The following PPP1R10 variants were observed in gnomAD, a reference collection of about 807,000 sequenced individuals.
PPP1R10 encodes protein phosphatase 1 regulatory subunit 10.
Under a neutral mutation model 99.0 loss-of-function variants are expected in PPP1R10, and 15 were observed. The observed-to-expected ratio is 0.15, with a 90% CI of 0.10 to 0.23. PPP1R10 has a LOEUF of 0.23. PPP1R10 is among the 10% of genes least tolerant of loss of function. The probability of loss-of-function intolerance (pLI) is 1.00; values close to 1 mark genes in which losing one functional copy is unlikely to be tolerated. For synonymous variants in PPP1R10, 430 were observed against 449.5 expected (o/e 0.96, Z 0.55); for missense variants, 947 against 1,259.4 (o/e 0.75, Z 3.75).
At position 30,602,256 on chromosome 6, in the gene PPP1R10, C is replaced by T. The variant is rs751076867; in HGVS notation, c.2393G>A (p.Arg798His). Residue 798 changes from arginine (R) to histidine (H), a missense_variant, in exon 19 of 20, where the codon CGT (arginine) becomes CAT (histidine). By Grantham distance (29) the Arg-to-His change is conservative. Transcript: ENST00000376511. This position sits in a 1 kb window ranked among gnomAD's most constrained non-coding sequence, Gnocchi z 6.7. ...GGSMGGGGGH[R>H]PHEGPGGGIS... ...GCCACCGCCAGGGCCTTCGTGGGGA[C>T]GATGTCCTCCACCCCCACCCATGCT... 4.3e-6 allele frequency: 7 copies of T among 1,612,108 alleles called. No homozygotes were observed. The highest frequency in any genetic ancestry group is 5.9e-6 in the Non-Finnish European group (7 of 1,179,444).
intron 5 of PPP1R10, among the ~76,000 whole-genome samples, chr6:30,608,389 C>T (rs60365864): frequency 0.044 from 6,678 of 151,634 alleles, 272 homozygotes; most frequent in African/African-American, 0.11. Context: ...ATAACCTCCA[C>T]CTCCTGGGTT....
chr6:30,603,441 G>A (rs771617057), intron 16 of PPP1R10, 31 bp downstream of exon 16: 2 of 1,596,886 alleles, frequency 1.3e-6, no homozygotes, highest in Non-Finnish European at 1.7e-6. Context: ...AGGCTCCACA[G>A]AAGGTGGAAA....
chr6:30,601,497 G>A lies in PPP1R10; in HGVS notation c.*52C>T. 7 of 1,486,430 alleles carry A rather than the reference G, an allele frequency of 4.7e-6. No individual in the cohort carries two copies. The South Asian group carries it at 6.8e-5, about 15-fold the overall frequency. 92.1% of individuals were successfully genotyped at this position (1,486,430 alleles called of 1,614,324 possible). On this transcript the variant is annotated 3_prime_UTR_variant, in exon 20 of 20. Coordinates refer to ENST00000376511, the MANE Select transcript of PPP1R10 (RefSeq NM_002714.4). ...CACAGAAGCCATAACAGGGTGGAAA[G>A]AGCGAGGCTGCAGTCCACAGGGGTT...
intron 5 of PPP1R10, among the ~76,000 whole-genome samples, chr6:30,608,183 G>C (rs973287042): frequency 6.6e-6 from 1 of 151,690 alleles, no homozygotes; most frequent in African/African-American, 2.4e-5. Context: ...TAGAGACAGA[G>C]TTTTATCATT....
intron 16 of PPP1R10, 64 bp from the exon 17 acceptor site, chr6:30,603,349 C>T (rs531737653): frequency 1.8e-5 from 29 of 1,581,518 alleles, no homozygotes; most frequent in East Asian, 1.3e-4. Context: ...CGAAAGATAG[C>T]GCCAAAGATT....
At chr6:30,605,527 G>A (rs1284302409) in intron 10 of PPP1R10, among the ~76,000 whole-genome samples, 5 of 152,022 alleles carry the variant, frequency 3.3e-5, no homozygotes, top group African/African-American at 1.2e-4. Context: ...AAAAGAGAAG[G>A]GAAAAAACTT....
At position 30,602,892 on chromosome 6, in the gene PPP1R10, G is replaced by C; in HGVS notation, c.1911C>G (p.Pro637=). 6.4e-7 allele frequency: 1 copy of C among 1,556,500 alleles called. No homozygotes were observed. The highest frequency in any genetic ancestry group is 1.4e-5 in the African/African-American group (1 of 73,368). ...CAGGGGGAAAGTGCTGCATGCCCTT[G>C]GGGCCCCCAGGACCCCCTGGTGGGA... The part of the protein sequence containing the change: ...NGFPPGGPGG[P]KGMQHFPPGP... The change falls in exon 18 of 20, where the codon CCC becomes CCG. Residue 637 remains proline, a synonymous_variant. Transcript: ENST00000376511. The surrounding 1 kb of genome is among the most constrained non-coding windows in gnomAD (Gnocchi z 6.7).
Position 30,606,571 on chromosome 6 carries a change from C to T in PPP1R10, c.531G>A (p.Glu177=), listed in dbSNP as rs766920824. 5.6e-6 allele frequency: 9 copies of T among 1,614,162 alleles called. No homozygotes were observed. In the South Asian group the frequency reaches 7.7e-5, roughly 14 times the overall value. Residue 177 remains glutamate, a synonymous_variant, in exon 8 of 20, where the codon GAG becomes GAA. Transcript: ENST00000376511. The surrounding 1 kb of genome is among the most constrained non-coding windows in gnomAD (Gnocchi z 6.3). The stretch of plus-strand genomic sequence containing the variant: ...CCTCAGCCCGGGTCTCAGCCTTCAC[C>T]TCTGTCAAAGGTCGCTCAGGAAGGG... ...RTTLPERPLT[E]VKAETRAEEA...
At position 30,605,211 on chromosome 6, in the gene PPP1R10, G is replaced by A. The variant is rs576580063; in HGVS notation, c.854-117C>T. ...AAGACCCTGCCTCAACTTAGGACAC[G>A]ATAAGCTCAAGAGGACCAGGAAGCA... On this transcript the variant is annotated intron_variant, in intron 10 of 19. Coordinates refer to ENST00000376511, the MANE Select transcript of PPP1R10 (RefSeq NM_002714.4). 7.4e-5 allele frequency: 61 copies of A among 819,818 alleles called. 1 individual carries two copies. The Middle Eastern group carries it at 1.1e-3, about 14-fold the overall frequency. 50.8% of individuals were successfully genotyped at this position (819,818 alleles called of 1,614,324 possible).
In PPP1R10 at chr6:30,616,694, G is replaced by C. The variant is rs1355074420; in HGVS notation, c.-228C>G. 1 of 152,142 alleles carries C rather than the reference G, an allele frequency of 6.6e-6. No individual in the cohort carries two copies. Among genetic ancestry groups the C allele is most frequent in the Non-Finnish European group, 1.5e-5 (1 of 68,030 alleles). The allele number at this position is 152,142 out of a possible 1,614,324, so 9.4% of individuals were successfully genotyped here. ...GAGGGGGGTCGCAGAAAAAAGTTCTGAGTGGATTCAAAAAAGTAAACGCTG... is the reference window on the plus strand; with the variant it reads ...GAGGGGGGTCGCAGAAAAAAGTTCTCAGTGGATTCAAAAAAGTAAACGCTG... On this transcript the variant is annotated 5_prime_UTR_variant, in exon 2 of 20. Transcript: ENST00000376511.
In PPP1R10 at chr6:30,602,817, C is replaced by G; in HGVS notation, c.1957+29G>C. On this transcript the variant is annotated intron_variant, in intron 18 of 19. Transcript: ENST00000376511. This position sits in a 1 kb window ranked among gnomAD's most constrained non-coding sequence, Gnocchi z 6.7. ...ATCAGACTGAAATTAAGCAGATAAGCCCATTCCAACCTTTTACTCACCACC... is the reference window on the plus strand; with the variant it reads ...ATCAGACTGAAATTAAGCAGATAAGGCCATTCCAACCTTTTACTCACCACC... The G allele has an allele frequency of 6.5e-7, 1 of 1,546,092 alleles. No individual in the cohort carries two copies. The highest frequency in any genetic ancestry group is 8.8e-7 in the Non-Finnish European group (1 of 1,140,784).
At chr6:30,608,547 C>T (rs1184095932) in intron 5 of PPP1R10, among the ~76,000 whole-genome samples, 2 of 152,120 alleles carry the variant, frequency 1.3e-5, no homozygotes, top group East Asian at 1.9e-4. Context: ...ATGATCCGCC[C>T]GCCTCAGCCT....
chr6:30,615,595 T>A (rs1760401295), intron 2 of PPP1R10, among the ~76,000 whole-genome samples: 1 of 152,186 alleles, frequency 6.6e-6, no homozygotes, highest in South Asian at 2.1e-4. Flanking sequence ...GACACAAATC[T>A]TTTAGAAAGC....
rs149455885 is a variant in PPP1R10 at position 30,602,732 on chromosome 6, G to A, written c.1958-41C>T. 1.0e-5 allele frequency: 16 copies of A among 1,590,718 alleles called. No individual in the cohort carries two copies. Among genetic ancestry groups the A allele is most frequent in the South Asian group, 4.5e-5 (4 of 88,166 alleles). On this transcript the variant is annotated intron_variant, in intron 18 of 19. Transcript: ENST00000376511. This position sits in a 1 kb window ranked among gnomAD's most constrained non-coding sequence, Gnocchi z 6.7. Reference sequence around the variant, plus strand: ...AAAGAGAGACAGTATCAGCTACCAGGAACTGCCATCTCCCAACCTAAACCA... The same window carrying A: ...AAAGAGAGACAGTATCAGCTACCAGAAACTGCCATCTCCCAACCTAAACCA...
chr6:30,609,231 C>G lies in PPP1R10; in HGVS notation c.108-68G>C. The stretch of plus-strand genomic sequence containing the variant: ...CTCTTCTCTTAGCAAAAGCGCCTCT[C>G]TGTGAACTGCCTAGAGATTCCTAAT... On this transcript the variant is annotated intron_variant, in intron 3 of 19. Coordinates refer to ENST00000376511, the MANE Select transcript of PPP1R10 (RefSeq NM_002714.4). The surrounding 1 kb of genome is among the most constrained non-coding windows in gnomAD (Gnocchi z 4.5). The G allele has an allele frequency of 1.4e-6, 2 of 1,435,294 alleles. No individual in the cohort carries two copies. The highest frequency in any genetic ancestry group is 1.2e-5 in the South Asian group (1 of 86,388). The allele number at this position is 1,435,294 out of a possible 1,614,324, so 88.9% of individuals were successfully genotyped here.
At position 30,609,062 on chromosome 6, in the gene PPP1R10, C is replaced by T; in HGVS notation, c.194+15G>A. On this transcript the variant is annotated intron_variant, in intron 4 of 19. Coordinates refer to ENST00000376511, the MANE Select transcript of PPP1R10 (RefSeq NM_002714.4). This position sits in a 1 kb window ranked among gnomAD's most constrained non-coding sequence, Gnocchi z 4.5. ...GCTACACCTTCCCATTCCAACCATC[C>T]AGATCCCCACTTACTTGACCAATAT... 2 of 1,614,092 alleles carry T rather than the reference C, an allele frequency of 1.2e-6. No individual in the cohort carries two copies. Among genetic ancestry groups the T allele is most frequent in the Non-Finnish European group, 1.7e-6 (2 of 1,179,990 alleles).
In PPP1R10 at chr6:30,607,896, G is replaced by A; in HGVS notation, c.331-5C>T. ...CACCAGTTTAGCTGTGTTGTTCTATGAGAGATGGGAGCAGCAGAAAGGTAA... is the reference window on the plus strand; with the variant it reads ...CACCAGTTTAGCTGTGTTGTTCTATAAGAGATGGGAGCAGCAGAAAGGTAA... On this transcript the variant is annotated splice_polypyrimidine_tract_variant and splice_region_variant and intron_variant, in intron 5 of 19. Transcript: ENST00000376511. 1 of 1,612,902 alleles carries A rather than the reference G, an allele frequency of 6.2e-7. No homozygotes were observed. Among genetic ancestry groups the A allele is most frequent in the Non-Finnish European group, 8.5e-7 (1 of 1,179,964 alleles).
Position 30,602,113 on chromosome 6 carries a change from G to C in PPP1R10, c.2536C>G (p.Arg846Gly). 6.2e-7 allele frequency: 1 copy of C among 1,603,400 alleles called. No homozygotes were observed. Among genetic ancestry groups the C allele is most frequent in the Non-Finnish European group, 8.5e-7 (1 of 1,174,294 alleles). Residue 846 changes from arginine to glycine, a missense_variant, in exon 19 of 20, where the codon CGT (arginine) becomes GGT (glycine). Coordinates refer to ENST00000376511, the MANE Select transcript of PPP1R10 (RefSeq NM_002714.4). The surrounding 1 kb of genome is among the most constrained non-coding windows in gnomAD (Gnocchi z 6.7). ...GGSMGGSGGH[R>G]PHEGPGHGGP... ...CCGTGTCCAGGGCCTTCATGGGGACGATGTCCACCACTTCCACCCATGCTT... is the reference window on the plus strand; with the variant it reads ...CCGTGTCCAGGGCCTTCATGGGGACCATGTCCACCACTTCCACCCATGCTT...
chr6:30,603,823 T>G lies in PPP1R10; in HGVS notation c.1529A>C (p.Glu510Ala), dbSNP rs762147342. 5.8e-6 allele frequency: 9 copies of G among 1,539,238 alleles called. No homozygotes were observed. Among genetic ancestry groups the G allele is most frequent in the African/African-American group, 1.4e-5 (1 of 72,008 alleles). ...TTTAGGGGGTATGGGCTCGTAGGGC[T>G]CAGGATCAGGCTCATGAGGACTATC... ...NKESPHEPDP[E>A]PYEPIPPKLI... Residue 510 changes from glutamate (E) to alanine (A), a missense_variant, in exon 15 of 20, where the codon GAG (glutamate) becomes GCG (alanine). By Grantham distance (107) the Glu-to-Ala change is moderately radical. This residue lies in a region of PPP1R10 where 525 missense variants were observed against 578.8 expected (regional missense o/e 0.91). Coordinates refer to ENST00000376511, the MANE Select transcript of PPP1R10 (RefSeq NM_002714.4).
Sources: gnomAD v4.1 joint callset for allele counts (sites outside exome capture counted in the v4.1 genomes callset) on GRCh38, gnomAD v4.1.1 for gene constraint, gnomAD v4.1.1 regional missense constraint, Gnocchi (gnomAD v3.1) non-coding constraint, MANE v1.5 for transcripts, NCBI Gene and HGNC (gene_info 2026-07-23, HGNC 2026-07-21) for gene names.